Variants in ACSBG2 observed in about 807,000 individuals in gnomAD.
ACSBG2 encodes the protein long-chain-fatty-acid--CoA ligase ACSBG2.
A neutral mutation model predicts 74.7 loss-of-function variants in ACSBG2; 62 were observed. The observed-to-expected ratio is 0.83, with a 90% CI of 0.68 to 1.03. The LOEUF (loss-of-function observed/expected upper bound fraction) is 1.03. Ranked by LOEUF, ACSBG2 falls within the 50% of genes least tolerant of loss-of-function variation. The pLI is 0.00. For missense variants in ACSBG2, 730 were observed against 817.6 expected, an observed-to-expected ratio of 0.89 and a Z score of 1.31; for synonymous variants, 309 against 294.1, an observed-to-expected ratio of 1.05 and a Z score of -0.52.
chr19:6,149,296 C>T (rs2089151271), intron 3 of ACSBG2, among the ~76,000 whole-genome samples: 1 of 149,850 alleles, frequency 6.7e-6, no homozygotes, highest in Admixed American at 6.7e-5. Flanking sequence ...GACCAGCAGG[C>T]AAATGCCTTC....
intron 4 of ACSBG2, among the ~76,000 whole-genome samples, chr19:6,154,526 G>T (rs911567456): frequency 2.7e-5 from 4 of 147,784 alleles, no homozygotes; most frequent in Non-Finnish European, 3.0e-5. Context: ...TATCTATATA[G>T]AGAGAGGTGG....
rs199648686 is a variant in ACSBG2 at position 6,174,003 on chromosome 19, C to T, written c.739-3226C>T. Among the ~76,000 whole-genome samples the T allele has an allele frequency of 8.7e-5, 13 of 150,288 alleles. No homozygotes were observed. In the East Asian group the frequency reaches 2.5e-3, roughly 29 times the overall value. On this transcript the variant is annotated intron_variant, in intron 7 of 14. Coordinates refer to ENST00000588485, the MANE Select transcript of ACSBG2 (RefSeq NM_030924.5). This position sits in a 1 kb window ranked among gnomAD's most constrained non-coding sequence, Gnocchi z 4.2. Reference sequence around the variant, plus strand: ...TCAGGTTGGAGAGCAGTGGCACAATCTCGACTCACTGCAACCTCTGCCTCC... The same window carrying T: ...TCAGGTTGGAGAGCAGTGGCACAATTTCGACTCACTGCAACCTCTGCCTCC...
chr19:6,165,394 A>G (rs2089761290), intron 6 of ACSBG2, among the ~76,000 whole-genome samples: 1 of 152,184 alleles, frequency 6.6e-6, no homozygotes, highest in Admixed American at 6.5e-5. Flanking sequence ...AGGCTGATAG[A>G]ACAGTTTGAG....
intron 10 of ACSBG2, 37 bp downstream of exon 10, chr19:6,183,309 A>C: frequency 2.5e-6 from 4 of 1,572,258 alleles, no homozygotes; most frequent in African/African-American, 1.4e-5. Flanking sequence ...CTCCTCCCAT[A>C]ACATGGGGTC....
At chr19:6,190,440 C>A in intron 13 of ACSBG2, 144 bp from the exon 14 acceptor site, 1 of 650,906 alleles carries the variant, frequency 1.5e-6, no homozygotes, top group Non-Finnish European at 2.8e-6. Flanking sequence ...ATACAGATGG[C>A]AAAAGTTACA....
chr19:6,139,546 T>C (rs983204941), intron 1 of ACSBG2, among the ~76,000 whole-genome samples: 6 of 152,332 alleles, frequency 3.9e-5, no homozygotes, highest in African/African-American at 1.4e-4. Context: ...CACTCACTGA[T>C]GGAAACTTTT....
chr19:6,151,564 A>G lies in ACSBG2; in HGVS notation c.298-143A>G, dbSNP rs1478125565. On this transcript the variant is annotated intron_variant, in intron 3 of 14. Coordinates refer to ENST00000588485, the MANE Select transcript of ACSBG2 (RefSeq NM_030924.5). ...GGCCTCAAGCAATTCTCCCACCTCA[A>G]CCTCCCAAAGTGCTAGGATTACAGG... The G allele has an allele frequency of 1.1e-5, 8 of 759,884 alleles. No homozygotes were observed. The Admixed American group carries it at 1.8e-4, about 17-fold the overall frequency. The allele number at this position is 759,884 out of a possible 1,614,324, so 47.1% of individuals were successfully genotyped here. A position where few individuals can be genotyped will look rare whatever the true frequency, so the allele number is the denominator to read the frequency against.
intron 11 of ACSBG2, 21 bp downstream of exon 11, chr19:6,185,674 T>C: frequency 1.2e-6 from 2 of 1,613,146 alleles, no homozygotes; most frequent in Non-Finnish European, 1.7e-6. Context: ...CTGAGCTCTT[T>C]GGGAATCTCC....
intron 3 of ACSBG2, among the ~76,000 whole-genome samples, chr19:6,150,006 G>A (rs947458521): frequency 2.0e-4 from 31 of 151,876 alleles, no homozygotes; most frequent in African/African-American, 7.0e-4. Context: ...AGGGTGAGGC[G>A]GGAGGATTGC....
intron 14 of ACSBG2, among the ~76,000 whole-genome samples, 194 bp from the exon 15 acceptor site, chr19:6,192,474 G>A (rs984910748): frequency 7.2e-5 from 11 of 152,156 alleles, no homozygotes; most frequent in African/African-American, 2.7e-4. Context: ...TTGCATAGGT[G>A]GCTCCAGTAA....
At chr19:6,190,808 TACATACACACACAC>T in intron 14 of ACSBG2, 116 bp downstream of exon 14, 1 of 387,400 alleles carries the variant, frequency 2.6e-6, no homozygotes, top group Non-Finnish European at 4.7e-6. Context: ...CATACACACA[TACATACACACACAC>T]ACACACACAC....
chr19:6,140,398 G>A (rs868238497), intron 1 of ACSBG2, among the ~76,000 whole-genome samples: 2 of 152,094 alleles, frequency 1.3e-5, no homozygotes, highest in African/African-American at 4.8e-5. Flanking sequence ...ATGTGATCTC[G>A]GCCAGGCGCA....
intron 4 of ACSBG2, among the ~76,000 whole-genome samples, chr19:6,155,019 A>C (rs1175575660): frequency 1.3e-5 from 2 of 152,232 alleles, no homozygotes; most frequent in Non-Finnish European, 2.9e-5. Context: ...AGGATGCTTC[A>C]TAAACCCTTA....
At chr19:6,166,264 G>C (rs1232837596) in intron 7 of ACSBG2, among the ~76,000 whole-genome samples, 1 of 149,702 alleles carries the variant, frequency 6.7e-6, no homozygotes. Flanking sequence ...TGATTCCTCT[G>C]TGTGAGTCAG....
At chr19:6,181,816 C>CCCG (rs1555696879) in intron 8 of ACSBG2, among the ~76,000 whole-genome samples, 1 of 107,330 alleles carries the variant, frequency 9.3e-6, no homozygotes, top group Non-Finnish European at 1.8e-5. Flanking sequence ...CCCACCCGCC[C>CCCG]CCCCCCCCAA....
chr19:6,177,652 C>T (rs967471625), intron 8 of ACSBG2, among the ~76,000 whole-genome samples: 5 of 152,030 alleles, frequency 3.3e-5, no homozygotes, highest in African/African-American at 1.2e-4. Context: ...CCAGCCTGAG[C>T]AAGATGGCGA....
chr19:6,159,969 C>T (rs1279683581), intron 5 of ACSBG2, among the ~76,000 whole-genome samples: 2 of 152,190 alleles, frequency 1.3e-5, no homozygotes, highest in Non-Finnish European at 2.9e-5. Flanking sequence ...CATCTTTTCT[C>T]TCCAATGCAT....
At chr19:6,176,519 G>C in intron 7 of ACSBG2, 2 of 582,268 alleles carry the variant, frequency 3.4e-6, no homozygotes, top group Non-Finnish European at 2.6e-6. Context: ...CACGCACTCA[G>C]CCAGACTGCA....
chr19:6,175,420 G>A (rs1008456422), intron 7 of ACSBG2: 1 of 152,220 alleles, frequency 6.6e-6, no homozygotes, highest in Non-Finnish European at 1.5e-5. Flanking sequence ...CATTCAGTTT[G>A]TGTGACATGG....
Sources: gnomAD v4.1 joint callset for allele counts (sites outside exome capture counted in the v4.1 genomes callset) on GRCh38, gnomAD v4.1.1 for gene constraint, Gnocchi (gnomAD v3.1) non-coding constraint, MANE v1.5 for transcripts, NCBI Gene and HGNC (gene_info 2026-07-23, HGNC 2026-07-21) for gene names.